The following SUCO variants were observed in gnomAD, a reference collection of about 807,000 sequenced individuals.
SUCO encodes the protein SUN domain-containing ossification factor.
SUCO carries 57 observed loss-of-function variants against 148.1 expected under a neutral mutation model. The observed-to-expected ratio is 0.38, with a 90% CI of 0.31 to 0.48. SUCO has a LOEUF of 0.48. SUCO is among the 20% of genes least tolerant of loss of function. SUCO has a pLI of 0.96. For synonymous variants in SUCO, 470 were observed against 502.7 expected (o/e 0.93, Z 0.87); for missense variants, 1,331 against 1,468.2 (o/e 0.91, Z 1.53).
intron 19 of SUCO, among the ~76,000 whole-genome samples, chr1:172,599,862 G>A (rs528474033): frequency 1.7e-3 from 265 of 152,192 alleles, no homozygotes; most frequent in African/African-American, 5.5e-3. Flanking sequence ...TTCTTGTTGG[G>A]GAGGGTTAGA....
At chr1:172,602,308 G>A (rs1250290915) in intron 21 of SUCO, 90 bp downstream of exon 21, 16 of 1,378,180 alleles carry the variant, frequency 1.2e-5, no homozygotes, top group African/African-American at 1.5e-5. Context: ...GGGAGACTGA[G>A]GTAATTTCTT....
At chr1:172,558,702 A>G (rs1218366542) in intron 6 of SUCO, among the ~76,000 whole-genome samples, 3 of 152,242 alleles carry the variant, frequency 2.0e-5, no homozygotes, top group Non-Finnish European at 4.4e-5. Context: ...TGAAGGAACT[A>G]CTTTTCTCAG....
At chr1:172,593,376 G>A (rs1469403539) in intron 19 of SUCO, among the ~76,000 whole-genome samples, 2 of 152,172 alleles carry the variant, frequency 1.3e-5, no homozygotes, top group Admixed American at 6.5e-5. Flanking sequence ...AATGCTTCCA[G>A]TTTTTGTCCA....
rs1275742149 is a variant in SUCO, at chr1:172,589,837, G to A, written c.2736G>A (p.Glu912=). 1 of 1,607,236 alleles carries A rather than the reference G, an allele frequency of 6.2e-7. No homozygotes were observed. The highest frequency in any genetic ancestry group is 8.5e-7 in the Non-Finnish European group (1 of 1,178,038). The change falls in exon 18 of 24, where the codon GAG becomes GAA. Residue 912 remains glutamate, a synonymous_variant. Transcript: ENST00000263688. The part of the protein sequence containing the change: ...GNLVHGSNQK[E]SVFMRLNNRI... ...TTGTACATGGATCAAACCAAAAGGA[G>A]TCAGTATTTATGAGACTTAATAATC...
intron 10 of SUCO, 130 bp from the exon 11 acceptor site, chr1:172,575,388 T>C (rs1655359004): frequency 5.1e-6 from 3 of 590,302 alleles, no homozygotes; most frequent in Middle Eastern, 9.0e-4. Context: ...ATGTATGTAT[T>C]TATGTATTAA....
intron 6 of SUCO, among the ~76,000 whole-genome samples, chr1:172,564,750 T>C (rs566491603): frequency 6.6e-6 from 1 of 152,318 alleles, no homozygotes; most frequent in African/African-American, 2.4e-5. Context: ...GCAAGATTTC[T>C]CCCTCATATA....
intron 9 of SUCO, 59 bp from the exon 10 acceptor site, chr1:172,573,832 A>G (rs1381332984): frequency 8.4e-6 from 8 of 952,620 alleles, no homozygotes; most frequent in East Asian, 2.5e-5. Context: ...TTAATGTCAT[A>G]TTTAATATGA....
chr1:172,533,381 T>C lies in SUCO; in HGVS notation c.-55T>C, dbSNP rs1333247846. 6.4e-7 allele frequency: 1 copy of C among 1,551,734 alleles called. No individual in the cohort carries two copies. The highest frequency in any genetic ancestry group is 8.7e-7 in the Non-Finnish European group (1 of 1,147,170). On this transcript the variant is annotated 5_prime_UTR_variant, in exon 1 of 24. Coordinates refer to ENST00000263688, the MANE Select transcript of SUCO (RefSeq NM_014283.5). ...GGCTCCTCCATCTTGGCCTCGGCAGTGGCGGCTGCCGGGAGGATGTGCCGC... is the reference window on the plus strand; with the variant it reads ...GGCTCCTCCATCTTGGCCTCGGCAGCGGCGGCTGCCGGGAGGATGTGCCGC...
chr1:172,547,741 A>G (rs1459762291), intron 1 of SUCO, among the ~76,000 whole-genome samples: 1 of 152,212 alleles, frequency 6.6e-6, no homozygotes, highest in African/African-American at 2.4e-5. Flanking sequence ...AATTCTAAAA[A>G]AGACATTGGA....
At chr1:172,569,168 ATT>A in intron 7 of SUCO, 26 bp downstream of exon 7, 1 of 1,418,664 alleles carries the variant, frequency 7.0e-7, no homozygotes, top group Non-Finnish European at 9.5e-7. Flanking sequence ...AGTTCTTTAA[ATT>A]TTTTTTTTAA....
intron 1 of SUCO, chr1:172,544,178 C>G: frequency 2.1e-6 from 2 of 961,868 alleles, no homozygotes; most frequent in Non-Finnish European, 2.5e-6. Flanking sequence ...CACTATATTT[C>G]TGTACAAGGG....
chr1:172,590,395 T>G (rs1656565044), intron 18 of SUCO: 1 of 981,666 alleles, frequency 1.0e-6, no homozygotes, highest in Non-Finnish European at 1.2e-6. Flanking sequence ...TTTAAACAGG[T>G]CTCGGCATCC....
chr1:172,605,572 G>T (rs773266192), intron 22 of SUCO, among the ~76,000 whole-genome samples: 5 of 151,788 alleles, frequency 3.3e-5, no homozygotes, highest in African/African-American at 4.8e-5. Context: ...CCTTTGTAAT[G>T]TGTTTTGAAA....
At chr1:172,541,811 C>G (rs975909553) in intron 1 of SUCO, 2 of 974,706 alleles carry the variant, frequency 2.1e-6, no homozygotes, top group Non-Finnish European at 2.4e-6. Context: ...TTGGAGCACA[C>G]TGTCACTGAG....
upstream of SUCO, chr1:172,532,820 T>C (rs2149211320): frequency 6.3e-7 from 1 of 1,586,936 alleles, no homozygotes; most frequent in East Asian, 2.2e-5. Context: ...TAAGGGGAAA[T>C]GCTGAGGATC....
At chr1:172,575,138 C>G (rs1655340461) in intron 10 of SUCO, among the ~76,000 whole-genome samples, 1 of 151,868 alleles carries the variant, frequency 6.6e-6, no homozygotes, top group Non-Finnish European at 1.5e-5. Context: ...TTTTTTCTTC[C>G]CATTCTCTTT....
In SUCO at chr1:172,575,346, C is replaced by T. The variant is rs565876856; in HGVS notation, c.1158-172C>T. 8.6e-5 allele frequency among the ~76,000 whole-genome samples: 13 copies of T among 151,952 alleles called. No individual in the cohort carries two copies. In the South Asian group the frequency reaches 1.5e-3, roughly 17 times the overall value. On this transcript the variant is annotated intron_variant, in intron 10 of 23. Coordinates refer to ENST00000263688, the MANE Select transcript of SUCO (RefSeq NM_014283.5). ...CATTCTTTCCTGGTAAAGAGAAACC[C>T]GTCAGTTCAGTTGGAAAAGAAAATG...
At chr1:172,570,387 A>G (rs1272096096) in intron 8 of SUCO, 2 of 484,636 alleles carry the variant, frequency 4.1e-6, no homozygotes, top group Non-Finnish European at 7.3e-6. Flanking sequence ...TAAAACCCGT[A>G]TGAAATTTTA....
At position 172,570,162 on chromosome 1, in the gene SUCO, A is replaced by G. The variant is rs764747058; in HGVS notation, c.972A>G (p.Pro324=). 1 of 1,576,908 alleles carries G rather than the reference A, an allele frequency of 6.3e-7. No homozygotes were observed. Among genetic ancestry groups the G allele is most frequent in the Middle Eastern group, 1.7e-4 (1 of 5,926 alleles). ...ECGAKILAAN[P]EAKSTSAILI... ...GTGCCAAAATTCTAGCAGCTAATCC[A>G]GAAGCCAAGGTAGGTGTTTAAATAT... Residue 324 remains proline, a synonymous_variant, in exon 8 of 24, where the codon CCA becomes CCG. Coordinates refer to ENST00000263688, the MANE Select transcript of SUCO (RefSeq NM_014283.5).
Sources: allele counts gnomAD v4.1 joint callset (sites outside exome capture counted in the v4.1 genomes callset), GRCh38; gene constraint gnomAD v4.1.1; transcripts MANE v1.5; gene names NCBI Gene and HGNC (gene_info 2026-07-23, HGNC 2026-07-21).